Variants in MSI2 observed in about 807,000 individuals in gnomAD.
MSI2 encodes the protein musashi RNA binding protein 2.
In MSI2, 17 loss-of-function variants were observed where a neutral mutation model predicts 45.6. That is an observed-to-expected ratio of 0.37 (90% CI 0.26 to 0.56). The LOEUF is 0.56. Among genes scored for constraint, MSI2 ranks in the 20% least tolerant of loss-of-function variants. The pLI, the probability that MSI2 is intolerant of heterozygous loss-of-function variation, is 0.77. For missense variants in MSI2, 293 were observed against 444.2 expected (o/e 0.66, Z 3.06); for synonymous variants, 156 against 158.2 (o/e 0.99, Z 0.11).
At chr17:57,583,728 C>T (rs960745303) in intron 7 of MSI2, among the ~76,000 whole-genome samples, 1 of 152,178 alleles carries the variant, frequency 6.6e-6, no homozygotes, top group East Asian at 1.9e-4. Flanking sequence ...CCTGCCTTGG[C>T]CTCCCAAAGT....
chr17:57,326,687 G>A (rs1281379212), intron 5 of MSI2, among the ~76,000 whole-genome samples: 3 of 152,140 alleles, frequency 2.0e-5, no homozygotes, highest in African/African-American at 4.8e-5. Flanking sequence ...ACTTATTTCC[G>A]CTCATTTGAT....
intron 6 of MSI2, chr17:57,449,147 C>T (rs187279892): frequency 6.6e-6 from 1 of 152,486 alleles, no homozygotes; most frequent in East Asian, 1.9e-4. Flanking sequence ...CCCTCCACCG[C>T]CACTGTTTTA....
At chr17:57,579,531 C>T (rs1026384565) in intron 7 of MSI2, among the ~76,000 whole-genome samples, 29 of 152,302 alleles carry the variant, frequency 1.9e-4, no homozygotes, top group Non-Finnish European at 2.9e-4. Context: ...TCTGAGGACC[C>T]CTCTCCCCTA....
intron 6 of MSI2, among the ~76,000 whole-genome samples, chr17:57,466,552 C>A (rs2085334617): frequency 6.6e-6 from 1 of 152,158 alleles, no homozygotes; most frequent in Non-Finnish European, 1.5e-5. Flanking sequence ...TCTCCCTCCC[C>A]CTGCCACCCA....
chr17:57,325,925 C>A (rs1219240453), intron 5 of MSI2, among the ~76,000 whole-genome samples: 4 of 152,206 alleles, frequency 2.6e-5, no homozygotes, highest in Non-Finnish European at 4.4e-5. Context: ...CGCTCCATGA[C>A]CTGTTGTGTT....
chr17:57,286,142 G>A, intron 5 of MSI2: 1 of 569,768 alleles, frequency 1.8e-6, no homozygotes, highest in Non-Finnish European at 2.8e-6. Context: ...TCATTTTTGG[G>A]ATTTTGAGAG....
At chr17:57,419,445 C>T (rs957455614) in intron 6 of MSI2, among the ~76,000 whole-genome samples, 2 of 151,998 alleles carry the variant, frequency 1.3e-5, no homozygotes, top group African/African-American at 2.4e-5. Flanking sequence ...TCACTGCAAC[C>T]TCCGCCTCCC....
In MSI2 at chr17:57,583,492, T is replaced by TTTTTTTTTC. The variant is rs763666947; in HGVS notation, c.455-13368_455-13367insCTTTTTTTT. Among the ~76,000 whole-genome samples the TTTTTTTTTC allele has an allele frequency of 5.0e-4, 56 of 112,622 alleles. 1 individual carries two copies. The highest frequency in any genetic ancestry group is 1.2e-3 in the African/African-American group (34 of 28,728). The allele number at this position is 112,622 out of a possible 152,430, so 73.9% of individuals were successfully genotyped here. ...TTTTTCCTTCTCCCAATGTTTCTTT[T>TTTTTTTTTC]TTTTTTTTTTTTTTTGAGACAGGGT... On this transcript the variant is annotated intron_variant, in intron 7 of 13. Coordinates refer to ENST00000284073, the MANE Select transcript of MSI2 (RefSeq NM_138962.4).
chr17:57,398,319 T>C (rs1440972547), intron 5 of MSI2, among the ~76,000 whole-genome samples: 1 of 152,228 alleles, frequency 6.6e-6, no homozygotes, highest in Non-Finnish European at 1.5e-5. Flanking sequence ...AGTATGGCTC[T>C]CCAGAGTTTC....
Position 57,652,140 on chromosome 17 carries a change from G to C in MSI2, c.769G>C (p.Val257Leu), listed in dbSNP as rs1911200352. 3 of 1,614,108 alleles carry C rather than the reference G, an allele frequency of 1.9e-6. No individual in the cohort carries two copies. Among genetic ancestry groups the C allele is most frequent in the African/African-American group, 1.3e-5 (1 of 75,046 alleles). Reference sequence around the variant, plus strand: ...TTATGGACCAGTGGCAGCAGCGGCGGTGGCGGCAGCAAGAGGATCAGGTAG... The same window carrying C: ...TTATGGACCAGTGGCAGCAGCGGCGCTGGCGGCAGCAAGAGGATCAGGTAG... ...AAYGPVAAAA[V>L]AAARGSGSNP... The change falls in exon 11 of 14, where the codon GTG becomes CTG. Residue 257 changes from valine (V) to leucine (L), a missense_variant. Physicochemically the swap from Val to Leu is conservative, Grantham distance 32 (BLOSUM62 1). Transcript: ENST00000284073. The surrounding 1 kb of genome is among the most constrained non-coding windows in gnomAD (Gnocchi z 4.1).
intron 6 of MSI2, among the ~76,000 whole-genome samples, chr17:57,500,834 G>A (rs934033281): frequency 6.8e-6 from 1 of 147,590 alleles, no homozygotes; most frequent in African/African-American, 2.5e-5. Context: ...ATGGTGGCAT[G>A]TGCATGTAGT....
chr17:57,341,902 C>G (rs1915196992), intron 5 of MSI2, among the ~76,000 whole-genome samples: 1 of 151,948 alleles, frequency 6.6e-6, no homozygotes, highest in African/African-American at 2.4e-5. Flanking sequence ...TCTTTTCTTC[C>G]TCTCCTTCTT....
chr17:57,463,291 G>A (rs2085266527), intron 6 of MSI2, among the ~76,000 whole-genome samples: 1 of 152,124 alleles, frequency 6.6e-6, no homozygotes, highest in Admixed American at 6.5e-5. Flanking sequence ...GGGTGAGTAG[G>A]ACCTTTGTCT....
In MSI2 at chr17:57,500,210, G is replaced by T. The variant is rs886374001; in HGVS notation, c.406-29466G>T. Among the ~76,000 whole-genome samples, 5 of 152,130 alleles carry T rather than the reference G, an allele frequency of 3.3e-5. No individual in the cohort carries two copies. In the East Asian group the frequency reaches 9.7e-4, roughly 29 times the overall value. On this transcript the variant is annotated intron_variant, in intron 6 of 13. Transcript: ENST00000284073. Reference sequence around the variant, plus strand: ...CAAACTGGAAACTCAAAGCCAGAGAGGTAAAGTAGTTTGCCTGCAGTCACT... The same window carrying T: ...CAAACTGGAAACTCAAAGCCAGAGATGTAAAGTAGTTTGCCTGCAGTCACT...
intron 5 of MSI2, among the ~76,000 whole-genome samples, chr17:57,356,509 G>T (rs891736756): frequency 6.6e-6 from 1 of 152,128 alleles, no homozygotes; most frequent in Admixed American, 6.5e-5. Flanking sequence ...TAAGATTTCA[G>T]CAAGATCCCC....
At chr17:57,598,023 C>T (rs971911658) in intron 8 of MSI2, among the ~76,000 whole-genome samples, 1 of 152,042 alleles carries the variant, frequency 6.6e-6, no homozygotes, top group Non-Finnish European at 1.5e-5. Flanking sequence ...GGTGCCATAT[C>T]ATGCATAGCA....
intron 5 of MSI2, among the ~76,000 whole-genome samples, chr17:57,284,620 G>C (rs925743890): frequency 6.6e-6 from 1 of 152,210 alleles, no homozygotes; most frequent in African/African-American, 2.4e-5. Context: ...TTTTAAAAAA[G>C]TATTTCATTA....
intron 5 of MSI2, among the ~76,000 whole-genome samples, chr17:57,398,000 T>TA (rs1169606792): frequency 1.1e-4 from 16 of 152,120 alleles, no homozygotes; most frequent in Admixed American, 9.8e-4. Context: ...CATCCTTTTT[T>TA]AAAAAAAGGT....
intron 11 of MSI2, among the ~76,000 whole-genome samples, chr17:57,673,660 C>G (rs1912990296): frequency 6.6e-6 from 1 of 152,140 alleles, no homozygotes; most frequent in Admixed American, 6.5e-5. Context: ...CAAAATTAAC[C>G]TGGTTAACTG....
Sources: allele counts gnomAD v4.1 joint callset (sites outside exome capture counted in the v4.1 genomes callset), GRCh38; gene constraint gnomAD v4.1.1; non-coding constraint Gnocchi (gnomAD v3.1); transcripts MANE v1.5; gene names NCBI Gene and HGNC (gene_info 2026-07-23, HGNC 2026-07-21).